Variants in CPED1 observed in about 807,000 individuals in gnomAD.
CPED1 encodes cadherin like and PC-esterase domain containing 1, also known as cadherin-like and PC-esterase domain-containing protein 1.
Under a neutral mutation model 128.2 loss-of-function variants are expected in CPED1, and 114 were observed. The ratio of observed to expected loss-of-function variants is 0.89; its 90% CI spans 0.76 to 1.04. CPED1 has a LOEUF of 1.04. Among genes scored for constraint, CPED1 ranks in the 50% least tolerant of loss-of-function variants. CPED1 has a pLI of 0.00. For missense variants in CPED1, 1,211 were observed against 1,207.1 expected, an observed-to-expected ratio of 1.00 and a Z score of -0.05; for synonymous variants, 462 against 426.7, an observed-to-expected ratio of 1.08 and a Z score of -1.02.
chr7:120,995,930 TCTC>T (rs1375103225), intron 2 of CPED1, among the ~76,000 whole-genome samples: 16 of 143,238 alleles, frequency 1.1e-4, no homozygotes, highest in African/African-American at 3.7e-4. Flanking sequence ...TCCTCCTCCT[TCTC>T]CTCCTCCTTC....
chr7:121,188,396 G>A (rs1797054011), intron 16 of CPED1, among the ~76,000 whole-genome samples: 1 of 152,076 alleles, frequency 6.6e-6, no homozygotes, highest in African/African-American at 2.4e-5. Context: ...GTCCCTTCAA[G>A]CATTTATCCT....
In CPED1 at chr7:121,004,906, A is replaced by T. The variant is rs545329627; in HGVS notation, c.250-10759A>T. 7.2e-5 allele frequency among the ~76,000 whole-genome samples: 11 copies of T among 152,248 alleles called. No homozygotes were observed. The South Asian group carries it at 2.1e-3, about 29-fold the overall frequency. On this transcript the variant is annotated intron_variant, in intron 2 of 22. Coordinates refer to ENST00000310396, the MANE Select transcript of CPED1 (RefSeq NM_024913.5). ...GGACTAATTTCTGGTCCAGCCCCCA[A>T]ATCTAAGAAGTATGTTCACTGTATG...
chr7:121,229,566 T>C (rs1247374014), intron 16 of CPED1, among the ~76,000 whole-genome samples: 1 of 151,978 alleles, frequency 6.6e-6, no homozygotes, highest in Non-Finnish European at 1.5e-5. Flanking sequence ...ATCCAAATAT[T>C]GCATGATTTT....
intron 14 of CPED1, among the ~76,000 whole-genome samples, chr7:121,138,966 T>A (rs1252953107): frequency 6.6e-6 from 1 of 152,034 alleles, no homozygotes; most frequent in Non-Finnish European, 1.5e-5. Context: ...GAGAAAAAAC[T>A]TTGATGAAAA....
At chr7:121,130,096 TA>T in intron 11 of CPED1, 28 bp from the exon 12 acceptor site, 2 of 1,566,432 alleles carry the variant, frequency 1.3e-6, no homozygotes, top group Non-Finnish European at 1.8e-6. Flanking sequence ...TTGTTTTCCA[TA>T]ACTTATACTG....
chr7:121,279,366 T>C (rs1001125719), intron 22 of CPED1, among the ~76,000 whole-genome samples: 5 of 152,024 alleles, frequency 3.3e-5, no homozygotes, highest in Non-Finnish European at 7.4e-5. Flanking sequence ...ATGAGGCAGA[T>C]TGACCACAAG....
intron 21 of CPED1, among the ~76,000 whole-genome samples, chr7:121,267,718 T>C (rs1433225594): frequency 2.0e-5 from 3 of 151,954 alleles, no homozygotes; most frequent in Admixed American, 1.3e-4. Flanking sequence ...CAGCACTAAA[T>C]AGAAGTCTCA....
chr7:121,045,537 T>G (rs1793174442), intron 3 of CPED1, among the ~76,000 whole-genome samples: 1 of 152,236 alleles, frequency 6.6e-6, no homozygotes, highest in Non-Finnish European at 1.5e-5. Context: ...AAAGCCTTTC[T>G]TTGGAAATAT....
At chr7:121,235,289 T>G (rs1304614192) in intron 16 of CPED1, among the ~76,000 whole-genome samples, 1 of 152,134 alleles carries the variant, frequency 6.6e-6, no homozygotes. Flanking sequence ...TATTGCTTTA[T>G]TATAATAAGC....
At position 121,194,517 on chromosome 7, in the gene CPED1, G is replaced by A. The variant is rs575022738; in HGVS notation, c.2056-42197G>A. On this transcript the variant is annotated intron_variant, in intron 16 of 22. Transcript: ENST00000310396. ...ATGATCTCCACATATCAAGACTAAC[G>A]GATGATTATTTCATTTACCAGCTGT... 6.7e-4 allele frequency among the ~76,000 whole-genome samples: 102 copies of A among 151,944 alleles called. 2 individuals carry two copies. In the South Asian group the frequency reaches 0.018, roughly 26 times the overall value.
chr7:121,251,996 G>T (rs559295543), intron 18 of CPED1, among the ~76,000 whole-genome samples: 6 of 151,384 alleles, frequency 4.0e-5, no homozygotes, highest in African/African-American at 1.2e-4. Context: ...AAAAGAGCCC[G>T]CATTGCCAAG....
intron 16 of CPED1, among the ~76,000 whole-genome samples, chr7:121,226,969 A>G (rs1798029114): frequency 6.6e-6 from 1 of 152,252 alleles, no homozygotes; most frequent in South Asian, 2.1e-4. Flanking sequence ...TCAGAACAAG[A>G]TGCCAGTCTG....
chr7:121,018,654 A>G (rs1238090738), intron 3 of CPED1, among the ~76,000 whole-genome samples: 1 of 152,022 alleles, frequency 6.6e-6, no homozygotes, highest in Non-Finnish European at 1.5e-5. Flanking sequence ...TATTTTCTCT[A>G]TTTCACCTAT....
intron 16 of CPED1, among the ~76,000 whole-genome samples, chr7:121,174,123 C>T (rs1796719396): frequency 6.6e-6 from 1 of 152,020 alleles, no homozygotes; most frequent in African/African-American, 2.4e-5. Context: ...GGATATTAGA[C>T]CTTTGTCAGA....
intron 5 of CPED1, among the ~76,000 whole-genome samples, chr7:121,089,244 C>T (rs760730334): frequency 6.6e-6 from 1 of 152,106 alleles, no homozygotes; most frequent in Non-Finnish European, 1.5e-5. Flanking sequence ...TCATTGTGGC[C>T]ATTGGCTCTT....
chr7:121,018,349 A>G (rs1214777417), intron 3 of CPED1, among the ~76,000 whole-genome samples: 1 of 152,066 alleles, frequency 6.6e-6, no homozygotes, highest in Non-Finnish European at 1.5e-5. Context: ...TATTCATCTC[A>G]TGGTTATTTT....
intron 18 of CPED1, among the ~76,000 whole-genome samples, chr7:121,248,963 A>G (rs1312092176): frequency 6.6e-6 from 1 of 152,238 alleles, no homozygotes; most frequent in East Asian, 1.9e-4. Context: ...AAGATGAAAT[A>G]GCCATTTTGA....
intron 5 of CPED1, among the ~76,000 whole-genome samples, chr7:121,092,917 CAG>C (rs1432514635): frequency 6.6e-6 from 1 of 152,186 alleles, no homozygotes; most frequent in Non-Finnish European, 1.5e-5. Flanking sequence ...TCTAGGGTCA[CAG>C]AGATTCAAGA....
At chr7:121,048,887 C>T (rs1285094097) in intron 4 of CPED1, among the ~76,000 whole-genome samples, 1 of 152,190 alleles carries the variant, frequency 6.6e-6, no homozygotes, top group Non-Finnish European at 1.5e-5. Flanking sequence ...GTATTTACTA[C>T]CTTTATTCTG....
Sources: allele counts gnomAD v4.1 joint callset (sites outside exome capture counted in the v4.1 genomes callset), GRCh38; gene constraint gnomAD v4.1.1; transcripts MANE v1.5; gene names NCBI Gene and HGNC (gene_info 2026-07-23, HGNC 2026-07-21).